The following ZNF804B variants were observed in gnomAD, a reference collection of about 807,000 sequenced individuals.
ZNF804B encodes the protein zinc finger protein 804B, also known as zinc finger 804B.
Under a neutral mutation model 101.4 loss-of-function variants are expected in ZNF804B, and 80 were observed. The observed-to-expected ratio is 0.79, with a 90% CI of 0.66 to 0.95. ZNF804B has a LOEUF of 0.95. ZNF804B is among the 40% of genes least tolerant of loss of function. ZNF804B has a pLI of 0.00. For missense variants in ZNF804B, 1,673 were observed against 1,561.9 expected (o/e 1.07, Z -1.20); for synonymous variants, 622 against 558.8 (o/e 1.11, Z -1.59).
intron 1 of ZNF804B, among the ~76,000 whole-genome samples, chr7:89,178,769 C>A (rs1290099514): frequency 1.3e-5 from 2 of 152,050 alleles, no homozygotes; most frequent in Non-Finnish European, 2.9e-5. Context: ...GAGCTTTTTG[C>A]ATTTAAAAGA....
intron 2 of ZNF804B, among the ~76,000 whole-genome samples, chr7:89,269,892 C>T (rs1789858854): frequency 6.6e-6 from 1 of 152,106 alleles, no homozygotes; most frequent in Admixed American, 6.5e-5. Context: ...ATATCCTTTG[C>T]CCACTTTTTG....
chr7:88,896,117 T>C (rs1206635205), intron 1 of ZNF804B, among the ~76,000 whole-genome samples: 1 of 152,184 alleles, frequency 6.6e-6, no homozygotes, highest in East Asian at 1.9e-4. Context: ...TTACCTTTAA[T>C]ATGATGTGCT....
chr7:89,311,589 C>T (rs1267895281), intron 2 of ZNF804B, among the ~76,000 whole-genome samples: 1 of 152,098 alleles, frequency 6.6e-6, no homozygotes, highest in African/African-American at 2.4e-5. Flanking sequence ...TGGATATTTC[C>T]AAACCTGAAC....
chr7:88,839,359 T>C (rs889783933), intron 1 of ZNF804B, among the ~76,000 whole-genome samples: 1 of 151,998 alleles, frequency 6.6e-6, no homozygotes, highest in Non-Finnish European at 1.5e-5. Context: ...AAATTCGTTA[T>C]GTTATCTGAC....
intron 1 of ZNF804B, among the ~76,000 whole-genome samples, chr7:88,897,645 T>C (rs187899232): frequency 9.9e-5 from 15 of 152,182 alleles, no homozygotes; most frequent in African/African-American, 2.9e-4. Flanking sequence ...AGAATCAGAG[T>C]CTCAGCTAAA....
At chr7:88,857,909 C>T (rs1791595919) in intron 1 of ZNF804B, among the ~76,000 whole-genome samples, 1 of 147,152 alleles carries the variant, frequency 6.8e-6, no homozygotes, top group Non-Finnish European at 1.5e-5. Context: ...CTGCAACCTC[C>T]ACCTCCCAGG....
intron 2 of ZNF804B, among the ~76,000 whole-genome samples, chr7:89,306,078 G>A (rs1390519500): frequency 6.6e-6 from 1 of 151,836 alleles, no homozygotes; most frequent in Non-Finnish European, 1.5e-5. Flanking sequence ...TATATAAAGA[G>A]CACCATTAAG....
At chr7:89,264,106 C>A (rs1789748803) in intron 2 of ZNF804B, among the ~76,000 whole-genome samples, 1 of 151,680 alleles carries the variant, frequency 6.6e-6, no homozygotes, top group Non-Finnish European at 1.5e-5. Context: ...CACAACCATA[C>A]CTACCTTCCA....
intron 1 of ZNF804B, among the ~76,000 whole-genome samples, chr7:88,982,587 T>C (rs992355032): frequency 1.3e-5 from 2 of 152,108 alleles, no homozygotes; most frequent in Admixed American, 1.3e-4. Context: ...TGTGTCCTAA[T>C]CTTTCCTTTT....
intron 1 of ZNF804B, among the ~76,000 whole-genome samples, chr7:89,138,497 G>T (rs913323417): frequency 6.6e-6 from 1 of 152,114 alleles, no homozygotes; most frequent in African/African-American, 2.4e-5. Flanking sequence ...TTGAGTTAAT[G>T]CTGAAATGAG....
chr7:89,270,096 T>C (rs1374202519), intron 2 of ZNF804B, among the ~76,000 whole-genome samples: 5 of 152,230 alleles, frequency 3.3e-5, no homozygotes, highest in Admixed American at 3.3e-4. Context: ...GTTTTGGCTT[T>C]TGCTGCCATT....
At chr7:89,327,286 A>G in intron 2 of ZNF804B, 58 bp from the exon 3 acceptor site, 1 of 1,481,490 alleles carries the variant, frequency 6.7e-7, no homozygotes. Flanking sequence ...AGCCTTGTGG[A>G]TGGAAAAGAA....
At chr7:89,012,585 T>C (rs1286248720) in intron 1 of ZNF804B, among the ~76,000 whole-genome samples, 3 of 152,182 alleles carry the variant, frequency 2.0e-5, no homozygotes, top group Non-Finnish European at 4.4e-5. Context: ...TTGCTCCACT[T>C]CCCAAGAAGT....
chr7:88,835,265 T>C (rs1052274260), intron 1 of ZNF804B, among the ~76,000 whole-genome samples: 1 of 151,850 alleles, frequency 6.6e-6, no homozygotes, highest in Non-Finnish European at 1.5e-5. Flanking sequence ...CTTCTGAAGC[T>C]GGCAATAGAA....
chr7:88,764,500 G>C (rs1026665140), intron 1 of ZNF804B, among the ~76,000 whole-genome samples: 1 of 152,010 alleles, frequency 6.6e-6, no homozygotes, highest in African/African-American at 2.4e-5. Flanking sequence ...GGAGGATGTG[G>C]AATATAAACA....
chr7:88,963,204 G>T (rs1275054208), intron 1 of ZNF804B, among the ~76,000 whole-genome samples: 1 of 151,154 alleles, frequency 6.6e-6, no homozygotes, highest in Admixed American at 6.6e-5. Flanking sequence ...AAGGGGCACT[G>T]AATAGCCAAA....
intron 2 of ZNF804B, among the ~76,000 whole-genome samples, chr7:89,275,269 G>A (rs1789961952): frequency 6.6e-6 from 1 of 151,800 alleles, no homozygotes; most frequent in South Asian, 2.1e-4. Context: ...TAAAAATTTA[G>A]CAATTTCCAA....
At chr7:88,985,989 G>T (rs536711783) in intron 1 of ZNF804B, among the ~76,000 whole-genome samples, 1 of 152,158 alleles carries the variant, frequency 6.6e-6, no homozygotes, top group South Asian at 2.1e-4. Context: ...TCAAATATTT[G>T]CACAAAACTG....
chr7:89,280,138 C>G (rs974778417), intron 2 of ZNF804B, among the ~76,000 whole-genome samples: 1 of 152,166 alleles, frequency 6.6e-6, no homozygotes, highest in Non-Finnish European at 1.5e-5. Flanking sequence ...GGAAACTGAA[C>G]AACCTGCTCC....
Sources: allele counts gnomAD v4.1 joint callset (sites outside exome capture counted in the v4.1 genomes callset), GRCh38; gene constraint gnomAD v4.1.1; transcripts MANE v1.5; gene names NCBI Gene and HGNC (gene_info 2026-07-23, HGNC 2026-07-21).